SAMD9: variants seen among roughly 807,000 people sequenced by gnomAD.
The protein encoded by SAMD9 is sterile alpha motif domain containing 9.
Under a neutral mutation model 1.5 loss-of-function variants are expected in SAMD9, and 3 were observed. The observed-to-expected ratio is 2.05, with a 90% confidence interval of 0.93 to 5.29. The LOEUF (loss-of-function observed/expected upper bound fraction) is 5.29. Ranked by LOEUF, SAMD9 falls within the 30% of genes most tolerant of loss-of-function variation. The pLI is 0.02. For synonymous variants in SAMD9, 635 were observed against 631.9 expected (o/e 1.00, Z -0.07); for missense variants, 1,597 against 1,820.8 (o/e 0.88, Z 2.24).
Position 93,101,982 on chromosome 7 carries a change from G to C in SAMD9, c.4116C>G (p.Leu1372=). Residue 1372 remains leucine, a synonymous_variant, in exon 3 of 3, where the codon CTC becomes CTG. Coordinates refer to ENST00000379958, the MANE Select transcript of SAMD9 (RefSeq NM_017654.4). ...GGATTTTGACAGTGCATTGTTCTAA[G>C]AGAAAAGTATATTCGTTCACTATAC... ...MKCIVNEYTF[L]LEQCTVKIQS... is the part of the protein sequence containing the mutation. 1 of 1,613,746 alleles carries C rather than the reference G, an allele frequency of 6.2e-7. No individual in the cohort carries two copies. The highest frequency in any genetic ancestry group is 8.5e-7 in the Non-Finnish European group (1 of 1,179,752).
intron 1 of SAMD9, among the ~76,000 whole-genome samples, chr7:93,117,258 T>TTGTTGTTGTTG (rs374368760): frequency 1.5e-4 from 23 of 150,614 alleles, no homozygotes; most frequent in African/African-American, 4.7e-4. Flanking sequence ...TATCTTTCCG[T>TTGTTGTTGTTG]TTGTTGTTGT....
rs199922969 is a variant in SAMD9, at chr7:93,103,453, A to C, written c.2645T>G (p.Phe882Cys). The change falls in exon 3 of 3, where the codon TTT becomes TGT. Residue 882 changes from phenylalanine (F) to cysteine (C), a missense_variant. By Grantham distance (205) the Phe-to-Cys change is radical (BLOSUM62 -2). Transcript: ENST00000379958. ...IKEQHKNFEDFYSFMIMKTNF... is the reference protein window; with the variant it reads ...IKEQHKNFEDCYSFMIMKTNF... ...GGTTTTCATGATCATAAAGGAATAA[A>C]AATCCTCAAAGTTTTTATGCTGTTC... is the stretch of plus-strand genomic sequence containing the variant. 2.1e-5 allele frequency: 34 copies of C among 1,613,372 alleles called. No individual in the cohort carries two copies. The highest frequency in any genetic ancestry group is 1.9e-4 in the African/African-American group (14 of 75,034).
intron 2 of SAMD9, among the ~76,000 whole-genome samples, chr7:93,109,979 GA>G (rs748344156): frequency 6.6e-6 from 1 of 152,084 alleles, no homozygotes; most frequent in Non-Finnish European, 1.5e-5. Flanking sequence ...ACTCCTCGGG[GA>G]GAGCAACTCC....
intron 1 of SAMD9, among the ~76,000 whole-genome samples, chr7:93,115,120 G>A (rs1240015797): frequency 6.6e-6 from 1 of 152,038 alleles, no homozygotes; most frequent in East Asian, 1.9e-4. Flanking sequence ...CTAATGAAGT[G>A]CAATTAGAAG....
At chr7:93,108,695 A>G (rs1050343379) in intron 2 of SAMD9, among the ~76,000 whole-genome samples, 9 of 152,212 alleles carry the variant, frequency 5.9e-5, no homozygotes, top group Middle Eastern at 3.4e-3. Flanking sequence ...ACGGAGCCTC[A>G]CTCACTGCTA....
chr7:93,110,618 A>C (rs1791725032), intron 2 of SAMD9, among the ~76,000 whole-genome samples: 1 of 152,234 alleles, frequency 6.6e-6, no homozygotes, highest in Admixed American at 6.5e-5. Flanking sequence ...AAGATCTACC[A>C]AGCAAATGGA....
chr7:93,103,774 T>C lies in SAMD9; in HGVS notation c.2324A>G (p.Glu775Gly), dbSNP rs1289660577. 1 of 1,613,982 alleles carries C rather than the reference T, an allele frequency of 6.2e-7. No homozygotes were observed. ...ATAGGTGATTAAACTGGTTACCTGT[T>C]CTCCAATTTCAGAAAAATCCACTGT... ...NKTVDFSEIG[E>G]QVTSLITYGA... The change falls in exon 3 of 3, where the codon GAA (glutamate) becomes GGA (glycine). Residue 775 changes from glutamate (E) to glycine (G), a missense_variant. Around this residue, in one of 6 missense-constraint regions of SAMD9, gnomAD observed 358 missense variants for 460.4 expected, o/e 0.78. Transcript: ENST00000379958.
intron 1 of SAMD9, among the ~76,000 whole-genome samples, chr7:93,116,357 T>C (rs1215954534): frequency 6.6e-6 from 1 of 152,132 alleles, no homozygotes; most frequent in Non-Finnish European, 1.5e-5. Context: ...GCCTGAACAT[T>C]TGGTTGGGAA....
chr7:93,110,262 A>C (rs948863175), intron 2 of SAMD9, among the ~76,000 whole-genome samples: 4 of 152,182 alleles, frequency 2.6e-5, no homozygotes, highest in African/African-American at 9.7e-5. Flanking sequence ...AATGCCGAGA[A>C]ATTTTGTTAC....
At chr7:93,108,327 C>T (rs577118337) in intron 2 of SAMD9, among the ~76,000 whole-genome samples, 1 of 152,280 alleles carries the variant, frequency 6.6e-6, no homozygotes, top group African/African-American at 2.4e-5. Flanking sequence ...GTCTAAAGCA[C>T]AGGGCCGGGT....
intron 2 of SAMD9, among the ~76,000 whole-genome samples, chr7:93,112,901 G>A (rs1311723935): frequency 2.0e-5 from 3 of 152,130 alleles, no homozygotes; most frequent in Non-Finnish European, 4.4e-5. Context: ...TAGATTCAAT[G>A]CCATCCCCAT....
At position 93,105,702 on chromosome 7, in the gene SAMD9, A is replaced by G. The variant is rs200661288; in HGVS notation, c.396T>C (p.Ala132=). 441 of 1,613,974 alleles carry G rather than the reference A, an allele frequency of 2.7e-4. No individual in the cohort carries two copies. Among genetic ancestry groups the G allele is most frequent in the Middle Eastern group, 4.9e-4 (3 of 6,084 alleles). ...CAACTTTTAGTGACTTAGAACCTTT[A>G]GCAGTTGTACTCATTGCAGACGGAT... is the stretch of plus-strand genomic sequence containing the variant. The part of the protein sequence containing the change: ...MANPSAMSTT[A]KGSKSLKVEL... The change falls in exon 3 of 3, where the codon GCT becomes GCC. Residue 132 remains alanine, a synonymous_variant. Transcript: ENST00000379958.
At position 93,106,124 on chromosome 7, in the gene SAMD9, A is replaced by G; in HGVS notation, c.-8-19T>C. On this transcript the variant is annotated intron_variant, in intron 2 of 2. Coordinates refer to ENST00000379958, the MANE Select transcript of SAMD9 (RefSeq NM_017654.4). ...CTGATACCTATATGTAGAAAAAGAAAAATTATTTAGTATTATTAAAAGTAA... is the reference window on the plus strand; with the variant it reads ...CTGATACCTATATGTAGAAAAAGAAGAATTATTTAGTATTATTAAAAGTAA... The G allele has an allele frequency of 6.6e-7, 1 of 1,505,164 alleles. No homozygotes were observed. Among genetic ancestry groups the G allele is most frequent in the Non-Finnish European group, 8.9e-7 (1 of 1,118,964 alleles). 93.2% of individuals were successfully genotyped at this position (1,505,164 alleles called of 1,614,324 possible).
At position 93,102,694 on chromosome 7, in the gene SAMD9, A is replaced by T; in HGVS notation, c.3404T>A (p.Ile1135Lys). 1 of 1,613,858 alleles carries T rather than the reference A, an allele frequency of 6.2e-7. No homozygotes were observed. The highest frequency in any genetic ancestry group is 8.5e-7 in the Non-Finnish European group (1 of 1,179,782). The change falls in exon 3 of 3, where the codon ATA becomes AAA. Residue 1135 changes from isoleucine (I) to lysine (K), a missense_variant. Transcript: ENST00000379958. ...GTTCCCGTTTCCTCCGTTTTCCTCTATCCACCATCTTATTTTACTTTTGTA... is the reference window on the plus strand; with the variant it reads ...GTTCCCGTTTCCTCCGTTTTCCTCTTTCCACCATCTTATTTTACTTTTGTA... The part of the protein sequence containing the change: ...QVYKSKIRWW[I>K]EENGGNGNIS...
Position 93,103,428 on chromosome 7 carries a change from G to A in SAMD9, c.2670C>T (p.Thr890=). 1 of 1,613,122 alleles carries A rather than the reference G, an allele frequency of 6.2e-7. No homozygotes were observed. Among genetic ancestry groups the A allele is most frequent in the African/African-American group, 1.3e-5 (1 of 74,988 alleles). The change falls in exon 3 of 3, where the codon ACC becomes ACT. Residue 890 remains threonine, a synonymous_variant. Transcript: ENST00000379958. The part of the protein sequence containing the change: ...EDFYSFMIMK[T]NFNKEYIENV... ...TTTCTATGTATTCTTTATTAAAATT[G>A]GTTTTCATGATCATAAAGGAATAAA... is the stretch of plus-strand genomic sequence containing the variant.
intron 2 of SAMD9, among the ~76,000 whole-genome samples, chr7:93,108,149 C>T (rs765091959): frequency 6.6e-6 from 1 of 152,214 alleles, no homozygotes; most frequent in Non-Finnish European, 1.5e-5. Context: ...CGTGCCTTGC[C>T]GTGCCTCGCC....
At position 93,102,730 on chromosome 7, in the gene SAMD9, A is replaced by C. The variant is rs1322632578; in HGVS notation, c.3368T>G (p.Leu1123Arg). The change falls in exon 3 of 3, where the codon CTG becomes CGG. Residue 1123 changes from leucine (L) to arginine (R), a missense_variant. Coordinates refer to ENST00000379958, the MANE Select transcript of SAMD9 (RefSeq NM_017654.4). ...TATTTTACTTTTGTAGACTTGACCCAGTGTATCTGAGATATAAGAATTGTC... is the reference window on the plus strand; with the variant it reads ...TATTTTACTTTTGTAGACTTGACCCCGTGTATCTGAGATATAAGAATTGTC... ...EPDNSYISDT[L>R]GQVYKSKIRW... The C allele has an allele frequency of 6.2e-7, 1 of 1,613,836 alleles. No individual in the cohort carries two copies. Among genetic ancestry groups the C allele is most frequent in the Non-Finnish European group, 8.5e-7 (1 of 1,179,766 alleles).
At chr7:93,109,444 A>G (rs186076970) in intron 2 of SAMD9, among the ~76,000 whole-genome samples, 1 of 152,370 alleles carries the variant, frequency 6.6e-6, no homozygotes, top group African/African-American at 2.4e-5. Flanking sequence ...ACAAAGCTGG[A>G]CAGAGAATGA....
At position 93,105,853 on chromosome 7, in the gene SAMD9, G is replaced by T; in HGVS notation, c.245C>A (p.Ser82Ter). The change falls in exon 3 of 3, where the codon TCG becomes TAG. Residue 82 changes from serine (S) to a stop codon, truncating the protein, a stop_gained. Coordinates refer to ENST00000379958, the MANE Select transcript of SAMD9 (RefSeq NM_017654.4). LOFTEE classifies it low-confidence loss of function (END_TRUNC). ...CTTTCCCATCTTAGATGTCTGAATC[G>T]AATCTTCAATGGCTGTTTTCCGCAA... Reference protein sequence around the residue: ...KELRKTAIEDSIQTSKMGKPS... With the variant: ...KELRKTAIED 6.2e-7 allele frequency: 1 copy of T among 1,614,044 alleles called. No homozygotes were observed. Among genetic ancestry groups the T allele is most frequent in the South Asian group, 1.1e-5 (1 of 91,078 alleles).
Sources: gnomAD v4.1 joint callset for allele counts (sites outside exome capture counted in the v4.1 genomes callset) on GRCh38, gnomAD v4.1.1 for gene constraint, gnomAD v4.1.1 regional missense constraint, MANE v1.5 for transcripts, NCBI Gene and HGNC (gene_info 2026-07-23, HGNC 2026-07-21) for gene names.